Variants in CNTN5 observed in about 807,000 individuals in gnomAD.
CNTN5 encodes contactin-5.
Under a neutral mutation model 129.1 loss-of-function variants are expected in CNTN5, and 77 were observed. The observed-to-expected ratio is 0.60, with a 90% CI of 0.50 to 0.72. The LOEUF (loss-of-function observed/expected upper bound fraction) is 0.72, where lower values mean the gene tolerates loss of function less well. Among genes scored for constraint, CNTN5 ranks in the 30% least tolerant of loss-of-function variants. CNTN5 has a pLI of 0.00. For missense variants in CNTN5, 1,478 were observed against 1,328.8 expected, an observed-to-expected ratio of 1.11 and a Z score of -1.75; for synonymous variants, 509 against 465.6, an observed-to-expected ratio of 1.09 and a Z score of -1.20.
intron 6 of CNTN5, among the ~76,000 whole-genome samples, chr11:99,880,922 CTT>C (rs1415120700): frequency 6.6e-6 from 1 of 152,036 alleles, no homozygotes; most frequent in Non-Finnish European, 1.5e-5. Flanking sequence ...AATTGTCTCT[CTT>C]TGAAATAAAA....
chr11:99,730,723 A>T (rs1478572887), intron 3 of CNTN5, among the ~76,000 whole-genome samples: 1 of 152,230 alleles, frequency 6.6e-6, no homozygotes, highest in Non-Finnish European at 1.5e-5. Flanking sequence ...GTGATGATGC[A>T]TGCATACAAT....
intron 13 of CNTN5, among the ~76,000 whole-genome samples, chr11:100,084,177 T>TA (rs1180342991): frequency 2.0e-5 from 3 of 152,170 alleles, no homozygotes; most frequent in African/African-American, 7.2e-5. Flanking sequence ...GCTCTCCACA[T>TA]AAGCACAACT....
At chr11:99,232,695 G>A (rs751974361) in intron 1 of CNTN5, among the ~76,000 whole-genome samples, 1 of 152,020 alleles carries the variant, frequency 6.6e-6, no homozygotes, top group African/African-American at 2.4e-5. Flanking sequence ...AAGTTAATGA[G>A]GGATATAAAT....
At chr11:99,562,326 C>T (rs534869769) in intron 3 of CNTN5, among the ~76,000 whole-genome samples, 53 of 152,116 alleles carry the variant, frequency 3.5e-4, no homozygotes, top group African/African-American at 1.3e-3. Context: ...CTGCTCTAGA[C>T]ATTTACATAT....
At chr11:99,273,373 C>A (rs1372821667) in intron 1 of CNTN5, among the ~76,000 whole-genome samples, 1 of 151,748 alleles carries the variant, frequency 6.6e-6, no homozygotes, top group African/African-American at 2.4e-5. Context: ...TGTTAAATGT[C>A]GTTCAATACT....
intron 1 of CNTN5, among the ~76,000 whole-genome samples, chr11:99,204,041 T>A (rs11218803): frequency 0.13 from 19,537 of 152,214 alleles, 1,304 homozygotes; most frequent in Middle Eastern, 0.14. Context: ...TCTGTAGTAC[T>A]CTTCTATATA....
intron 20 of CNTN5, among the ~76,000 whole-genome samples, chr11:100,306,512 T>C (rs1434341005): frequency 6.6e-6 from 1 of 151,720 alleles, no homozygotes; most frequent in Non-Finnish European, 1.5e-5. Context: ...ATCTCTGTAA[T>C]GCATTTATTC....
intron 9 of CNTN5, among the ~76,000 whole-genome samples, chr11:100,052,165 A>G (rs1368869480): frequency 1.3e-5 from 2 of 151,958 alleles, no homozygotes; most frequent in Non-Finnish European, 2.9e-5. Flanking sequence ...GAAAATGCAT[A>G]TAACAAAATC....
intron 17 of CNTN5, among the ~76,000 whole-genome samples, chr11:100,259,326 G>A (rs184836465): frequency 4.6e-5 from 7 of 152,132 alleles, no homozygotes; most frequent in Non-Finnish European, 1.0e-4. Context: ...AAGAGACTTA[G>A]ACTCCCACAC....
At chr11:99,265,737 G>A (rs1270491136) in intron 1 of CNTN5, among the ~76,000 whole-genome samples, 6 of 151,846 alleles carry the variant, frequency 4.0e-5, no homozygotes, top group Admixed American at 6.6e-5. Flanking sequence ...CATTACAACA[G>A]TATTACTTAT....
chr11:99,730,499 A>G (rs1388892079), intron 3 of CNTN5, among the ~76,000 whole-genome samples: 3 of 152,234 alleles, frequency 2.0e-5, no homozygotes, highest in African/African-American at 7.2e-5. Context: ...GTTATCTACT[A>G]TTAGACATTT....
At chr11:99,783,757 G>A (rs558323941) in intron 3 of CNTN5, among the ~76,000 whole-genome samples, 1 of 150,288 alleles carries the variant, frequency 6.7e-6, no homozygotes, top group South Asian at 2.1e-4. Flanking sequence ...ACTCATAGGT[G>A]GGAATTGAAC....
Position 99,697,647 on chromosome 11 carries a change from T to C in CNTN5, c.56-121897T>C, listed in dbSNP as rs151167265. Among the ~76,000 whole-genome samples, 490 of 151,546 alleles carry C rather than the reference T, an allele frequency of 3.2e-3. 4 individuals carry two copies. The highest frequency in any genetic ancestry group is 0.011 in the African/African-American group (473 of 41,408). On this transcript the variant is annotated intron_variant, in intron 3 of 24. Coordinates refer to ENST00000524871, the MANE Select transcript of CNTN5 (RefSeq NM_014361.4). ...AAAAAAAAGTAACATTAGAGAAAAT[T>C]AGGGAAATCTGAATAAAGTATGAAC...
chr11:100,284,908 G>A (rs1295586611), intron 18 of CNTN5, among the ~76,000 whole-genome samples: 2 of 152,160 alleles, frequency 1.3e-5, no homozygotes, highest in South Asian at 2.1e-4. Flanking sequence ...TGAAAGGTTG[G>A]AGTTTCAACC....
chr11:99,901,071 G>A (rs548416923), intron 6 of CNTN5, among the ~76,000 whole-genome samples: 1 of 152,192 alleles, frequency 6.6e-6, no homozygotes, highest in African/African-American at 2.4e-5. Flanking sequence ...TCTCACAAAA[G>A]TGTCTAACTA....
At chr11:99,674,115 A>T (rs1443742044) in intron 3 of CNTN5, among the ~76,000 whole-genome samples, 1 of 152,146 alleles carries the variant, frequency 6.6e-6, no homozygotes, top group African/African-American at 2.4e-5. Context: ...CTTTGTCAGC[A>T]TCTGTTATTT....
intron 1 of CNTN5, among the ~76,000 whole-genome samples, chr11:99,044,244 T>A (rs1241037279): frequency 6.6e-6 from 1 of 152,124 alleles, no homozygotes; most frequent in Non-Finnish European, 1.5e-5. Context: ...TATTAAAAAA[T>A]TATAAACTAA....
At chr11:100,209,037 C>A (rs112851486) in intron 15 of CNTN5, among the ~76,000 whole-genome samples, 1 of 152,150 alleles carries the variant, frequency 6.6e-6, no homozygotes, top group South Asian at 2.1e-4. Context: ...AGTGCACGCA[C>A]GCAATGCAAT....
At chr11:99,106,111 G>A (rs557570400) in intron 1 of CNTN5, among the ~76,000 whole-genome samples, 1 of 152,092 alleles carries the variant, frequency 6.6e-6, no homozygotes, top group Non-Finnish European at 1.5e-5. Flanking sequence ...TGTCATCTGA[G>A]TGAGATTTGA....
Sources: gnomAD v4.1 joint callset for allele counts (sites outside exome capture counted in the v4.1 genomes callset) on GRCh38, gnomAD v4.1.1 for gene constraint, MANE v1.5 for transcripts, NCBI Gene and HGNC (gene_info 2026-07-23, HGNC 2026-07-21) for gene names.